PFKP: variants seen among roughly 807,000 people sequenced by gnomAD.
PFKP encodes ATP-dependent 6-phosphofructokinase, platelet type.
PFKP carries 101 observed loss-of-function variants against 94.3 expected under a neutral mutation model. That is an observed-to-expected ratio of 1.07 (90% CI 0.91 to 1.26). The LOEUF (loss-of-function observed/expected upper bound fraction) is 1.26, where lower values mean the gene tolerates loss of function less well. Ranked by LOEUF, PFKP falls within the 50% of genes most tolerant of loss-of-function variation. The pLI is 0.00. For missense variants in PFKP, 1,145 were observed against 1,103.3 expected (o/e 1.04, Z -0.53); for synonymous variants, 573 against 432.6 (o/e 1.32, Z -4.03).
At chr10:3,106,518 A>C (rs1234529784) in intron 7 of PFKP, among the ~76,000 whole-genome samples, 2 of 150,642 alleles carry the variant, frequency 1.3e-5, no homozygotes, top group African/African-American at 4.9e-5. Context: ...CCACATTTCT[A>C]TCTGCGGTGG....
At chr10:3,069,036 C>A (rs1378974130) in intron 1 of PFKP, among the ~76,000 whole-genome samples, 2 of 151,096 alleles carry the variant, frequency 1.3e-5, no homozygotes, top group Non-Finnish European at 3.0e-5. Flanking sequence ...CCGCCCCGCC[C>A]GCCACGAGCG....
rs1204216843 is a variant in PFKP at position 3,118,879 on chromosome 10, C to T, written c.1530+10C>T. The stretch of plus-strand genomic sequence containing the variant: ...CATCGGTGGATTCGAGGTACGTTAC[C>T]GTTTCTCTCTTGCCGGTCTTGCAGG... On this transcript the variant is annotated intron_variant, in intron 15 of 21. Coordinates refer to ENST00000381125, the MANE Select transcript of PFKP (RefSeq NM_002627.5). 6.9e-6 allele frequency: 11 copies of T among 1,605,768 alleles called. No homozygotes were observed. Among genetic ancestry groups the T allele is most frequent in the South Asian group, 1.1e-5 (1 of 90,560 alleles).
In PFKP at chr10:3,094,573, T is replaced by C. The variant is rs372922268; in HGVS notation, c.187-4702T>C. Reference sequence around the variant, plus strand: ...GGGGAGGTGAGCAGGGCTTGGGATGTGTGTTGGTGTGGGGCTGTTTAATCT... The same window carrying C: ...GGGGAGGTGAGCAGGGCTTGGGATGCGTGTTGGTGTGGGGCTGTTTAATCT... On this transcript the variant is annotated intron_variant, in intron 2 of 21. Transcript: ENST00000381125. 1.1e-3 allele frequency among the ~76,000 whole-genome samples: 175 copies of C among 152,248 alleles called. 1 individual carries two copies. The highest frequency in any genetic ancestry group is 3.6e-3 in the African/African-American group (150 of 41,532).
intron 2 of PFKP, among the ~76,000 whole-genome samples, chr10:3,096,138 G>A (rs937004762): frequency 7.9e-5 from 12 of 152,228 alleles, no homozygotes; most frequent in African/African-American, 2.9e-4. Context: ...AACTCATGCA[G>A]GGAAAGGAAA....
Position 3,112,241 on chromosome 10 carries a change from C to A in PFKP, c.1109C>A (p.Ala370Glu). Residue 370 changes from alanine (A) to glutamate (E), a missense_variant, in exon 11 of 22, where the codon GCG becomes GAG. Physicochemically the swap from Ala to Glu is moderately radical, Grantham distance 107. Around this residue, in one of 3 missense-constraint regions of PFKP, gnomAD observed 1,119 missense variants for 1,062.8 expected, o/e 1.05. Transcript: ENST00000381125. The stretch of plus-strand genomic sequence containing the variant: ...TAAAAGACTCAGGATGTGCAGAAGG[C>A]GATGGACGAGAGGAGATTTCAAGAT... Reference protein sequence around the residue: ...CVQMTQDVQKAMDERRFQDAV... With the variant: ...CVQMTQDVQKEMDERRFQDAV... The A allele has an allele frequency of 6.2e-7, 1 of 1,613,438 alleles. No homozygotes were observed. Among genetic ancestry groups the A allele is most frequent in the African/African-American group, 1.3e-5 (1 of 75,016 alleles).
At chr10:3,087,879 T>A (rs887078307) in intron 2 of PFKP, among the ~76,000 whole-genome samples, 1 of 152,130 alleles carries the variant, frequency 6.6e-6, no homozygotes, top group Non-Finnish European at 1.5e-5. Flanking sequence ...GCCAGGACTT[T>A]GTATGAGTGG....
intron 1 of PFKP, 100 bp from the exon 2 acceptor site, chr10:3,082,288 T>C (rs1588407045): frequency 1.4e-6 from 1 of 733,794 alleles, no homozygotes; most frequent in East Asian, 2.7e-5. Context: ...AAATGAGGCA[T>C]TGAGAGGTTA....
intron 1 of PFKP, among the ~76,000 whole-genome samples, chr10:3,079,349 C>T (rs980312675): frequency 6.2e-4 from 94 of 152,086 alleles, no homozygotes; most frequent in Admixed American, 3.9e-4. Flanking sequence ...ATTCTCCTGC[C>T]TCAGCCTCCC....
At chr10:3,086,107 C>T (rs546565028) in intron 2 of PFKP, among the ~76,000 whole-genome samples, 1 of 152,182 alleles carries the variant, frequency 6.6e-6, no homozygotes, top group South Asian at 2.1e-4. Flanking sequence ...ATGGAGTATC[C>T]TGGGAGGAGG....
intron 17 of PFKP, among the ~76,000 whole-genome samples, chr10:3,130,858 C>T (rs1426187207): frequency 6.6e-6 from 1 of 152,154 alleles, no homozygotes; most frequent in Non-Finnish European, 1.5e-5. Flanking sequence ...CGCCCAGCAC[C>T]ATTGTCTTTT....
chr10:3,104,959 A>AT, intron 5 of PFKP, 156 bp from the exon 6 acceptor site: 1 of 715,624 alleles, frequency 1.4e-6, no homozygotes. Flanking sequence ...AAAATGGACC[A>AT]TTTTTGAAGC....
chr10:3,109,833 C>CGA (rs113099164), intron 10 of PFKP, among the ~76,000 whole-genome samples: 2,426 of 151,476 alleles, frequency 0.016, 65 homozygotes, highest in African/African-American at 0.056. Context: ...GGGAGGCAGC[C>CGA]GAGAGAGAGA....
In PFKP at chr10:3,117,223, T is replaced by A. The variant is rs540076906; in HGVS notation, c.1442+377T>A. 6.0e-4 allele frequency among the ~76,000 whole-genome samples: 92 copies of A among 152,288 alleles called. 2 individuals carry two copies. Among genetic ancestry groups the A allele is most frequent in the Admixed American group, 5.4e-3 (83 of 15,306 alleles). On this transcript the variant is annotated intron_variant, in intron 14 of 21. Transcript: ENST00000381125. Reference sequence around the variant, plus strand: ...AAGCAGCCTGGATAGCAGGTAGCATTGGTGGGAAGCATAGCCCTGAGCAGC... The same window carrying A: ...AAGCAGCCTGGATAGCAGGTAGCATAGGTGGGAAGCATAGCCCTGAGCAGC...
chr10:3,126,652 C>T (rs530001440), intron 16 of PFKP, among the ~76,000 whole-genome samples: 1 of 152,258 alleles, frequency 6.6e-6, no homozygotes, highest in Non-Finnish European at 1.5e-5. Context: ...CCTGCAGATT[C>T]ACAGAGCAAG....
rs529465667 is a variant in PFKP at position 3,129,616 on chromosome 10, T to G, written c.1684-203T>G. 46 of 579,566 alleles carry G rather than the reference T, an allele frequency of 7.9e-5. 1 individual carries two copies. The South Asian group carries it at 9.5e-4, about 12-fold the overall frequency. 35.9% of individuals were successfully genotyped at this position (579,566 alleles called of 1,614,324 possible). A position where few individuals can be genotyped will look rare whatever the true frequency, so the allele number is the denominator to read the frequency against. On this transcript the variant is annotated intron_variant, in intron 16 of 21. Coordinates refer to ENST00000381125, the MANE Select transcript of PFKP (RefSeq NM_002627.5). ...CGAGGTCACCTCCAGGTGGCTGCCA[T>G]GGTGGGGTTGCGGGGGACCACGTTC...
chr10:3,116,998 T>C (rs1262306098), intron 14 of PFKP, 152 bp downstream of exon 14: 1 of 692,464 alleles, frequency 1.4e-6, no homozygotes, highest in African/African-American at 1.8e-5. Context: ...CTCCCTCCAG[T>C]GGAACTGCCC....
At chr10:3,075,359 G>A (rs1832498623) in intron 1 of PFKP, among the ~76,000 whole-genome samples, 2 of 152,034 alleles carry the variant, frequency 1.3e-5, no homozygotes, top group African/African-American at 2.4e-5. Flanking sequence ...CGTTTAATAA[G>A]GAGCTTTGTG....
intron 1 of PFKP, among the ~76,000 whole-genome samples, chr10:3,070,853 C>T (rs1832127134): frequency 6.6e-6 from 1 of 152,166 alleles, no homozygotes; most frequent in African/African-American, 2.4e-5. Flanking sequence ...CTGCCTCAAC[C>T]TTCTGAGTAG....
intron 14 of PFKP, among the ~76,000 whole-genome samples, chr10:3,117,621 G>A (rs1012814770): frequency 2.6e-5 from 4 of 152,186 alleles, no homozygotes; most frequent in African/African-American, 9.7e-5. Context: ...CCTCGGAGCT[G>A]GGTTAGCTCT....
Sources: gnomAD v4.1 joint callset for allele counts (sites outside exome capture counted in the v4.1 genomes callset) on GRCh38, gnomAD v4.1.1 for gene constraint, gnomAD v4.1.1 regional missense constraint, MANE v1.5 for transcripts, NCBI Gene and HGNC (gene_info 2026-07-23, HGNC 2026-07-21) for gene names.